PCDHGA7: variants seen among roughly 807,000 people sequenced by gnomAD.
PCDHGA7 encodes protocadherin gamma-A7.
In PCDHGA7, 44 loss-of-function variants were observed where a neutral mutation model predicts 58.3. The observed-to-expected ratio is 0.75, with a 90% CI of 0.59 to 0.97. PCDHGA7 has a LOEUF of 0.97. PCDHGA7 is among the 50% of genes least tolerant of loss of function. The probability of loss-of-function intolerance (pLI) is 0.00; values close to 1 mark genes in which losing one functional copy is unlikely to be tolerated. For synonymous variants in PCDHGA7, 516 were observed against 504.2 expected (o/e 1.02, Z -0.31); for missense variants, 1,266 against 1,188.7 (o/e 1.06, Z -0.96).
intron 1 of PCDHGA7, chr5:141,471,252 T>A (rs1003162914): frequency 6.6e-6 from 1 of 151,872 alleles, no homozygotes; most frequent in Admixed American, 6.6e-5. Flanking sequence ...GGTTTCACCA[T>A]GTTGGCAAGG....
chr5:141,404,739 G>A, intron 1 of PCDHGA7: 1 of 1,614,092 alleles, frequency 6.2e-7, no homozygotes, highest in Non-Finnish European at 8.5e-7. Flanking sequence ...GCAGTGGACA[G>A]AGACTCAGGC....
intron 1 of PCDHGA7, among the ~76,000 whole-genome samples, chr5:141,474,120 T>C (rs2099343213): frequency 6.6e-6 from 1 of 151,910 alleles, no homozygotes; most frequent in Non-Finnish European, 1.5e-5. Flanking sequence ...ACAACGAAAA[T>C]CTCAGAAAAC....
chr5:141,392,659 A>G, intron 1 of PCDHGA7: 1 of 788,300 alleles, frequency 1.3e-6, no homozygotes, highest in Non-Finnish European at 1.9e-6. Context: ...CGCAGATGCC[A>G]CAAACTAACT....
chr5:141,490,561 A>G lies in PCDHGA7; in HGVS notation c.2425-4246A>G. On this transcript the variant is annotated intron_variant, in intron 1 of 3. Coordinates refer to ENST00000518325, the MANE Select transcript of PCDHGA7 (RefSeq NM_018920.4). This position sits in a 1 kb window ranked among gnomAD's most constrained non-coding sequence, Gnocchi z 5.4. Reference sequence around the variant, plus strand: ...TTCCCTACACAAACATCTCACCATCAGGCTCAACATTTCAGATGTCAATGA... The same window carrying G: ...TTCCCTACACAAACATCTCACCATCGGGCTCAACATTTCAGATGTCAATGA... 6.2e-7 allele frequency: 1 copy of G among 1,614,090 alleles called. No individual in the cohort carries two copies. The highest frequency in any genetic ancestry group is 8.5e-7 in the Non-Finnish European group (1 of 1,180,004).
rs762910422 is a variant in PCDHGA7, at chr5:141,485,747, C to T, written c.2425-9060C>T. ...GAAGCGCAGCGACGGCAGCCTGGTCCCAGAGCTGCTCCTGGAGAAGCCTTT... is the reference window on the plus strand; with the variant it reads ...GAAGCGCAGCGACGGCAGCCTGGTCTCAGAGCTGCTCCTGGAGAAGCCTTT... On this transcript the variant is annotated intron_variant, in intron 1 of 3. Coordinates refer to ENST00000518325, the MANE Select transcript of PCDHGA7 (RefSeq NM_018920.4). This position sits in a 1 kb window ranked among gnomAD's most constrained non-coding sequence, Gnocchi z 5.7. 1 of 1,614,162 alleles carries T rather than the reference C, an allele frequency of 6.2e-7. No individual in the cohort carries two copies.
intron 1 of PCDHGA7, chr5:141,427,469 C>A: frequency 2.0e-6 from 1 of 510,092 alleles, no homozygotes; most frequent in Non-Finnish European, 3.8e-6. Flanking sequence ...TCGAATCTTC[C>A]GCCAATAATG....
intron 1 of PCDHGA7, chr5:141,410,146 C>T (rs2095361527): frequency 2.5e-6 from 4 of 1,612,390 alleles, no homozygotes; most frequent in Non-Finnish European, 2.5e-6. Context: ...CTGTGCGTGA[C>T]GGTGGACAGC....
intron 1 of PCDHGA7, chr5:141,399,764 T>C: frequency 6.2e-7 from 1 of 1,613,252 alleles, no homozygotes; most frequent in Non-Finnish European, 8.5e-7. Flanking sequence ...AGCCTGCGCG[T>C]GTTGGTGGGC....
At chr5:141,474,159 G>A (rs2154571930) in intron 1 of PCDHGA7, among the ~76,000 whole-genome samples, 1 of 152,226 alleles carries the variant, frequency 6.6e-6, no homozygotes, top group South Asian at 2.1e-4. Context: ...GAAAATGACA[G>A]GCCTTATTAT....
intron 1 of PCDHGA7, chr5:141,394,949 G>A (rs761514870): frequency 1.9e-6 from 3 of 1,613,906 alleles, no homozygotes; most frequent in Non-Finnish European, 1.7e-6. Flanking sequence ...CTGTGCTTCT[G>A]GGGCTCAGGC....
intron 2 of PCDHGA7, among the ~76,000 whole-genome samples, chr5:141,500,008 C>T (rs1027220192): frequency 6.6e-6 from 1 of 151,770 alleles, no homozygotes; most frequent in African/African-American, 2.4e-5. Flanking sequence ...TTCATAAGGT[C>T]CACATTTTAT....
chr5:141,500,187 TATTTA>T (rs1467273493), intron 2 of PCDHGA7, among the ~76,000 whole-genome samples: 2 of 110,668 alleles, frequency 1.8e-5, no homozygotes, highest in Non-Finnish European at 3.6e-5. Flanking sequence ...TTTTTATTTT[TATTTA>T]TTTATTTATT....
intron 1 of PCDHGA7, among the ~76,000 whole-genome samples, chr5:141,465,159 A>C (rs1333891587): frequency 6.6e-6 from 1 of 151,952 alleles, no homozygotes; most frequent in East Asian, 1.9e-4. Flanking sequence ...AGGGACTCTA[A>C]ATGTTTATGA....
Position 141,383,347 on chromosome 5 carries a change from G to A in PCDHGA7, c.448G>A (p.Val150Ile). The change falls in exon 1 of 4, where the codon GTT becomes ATT. Residue 150 changes from valine to isoleucine, a missense_variant. By Grantham distance (29) the Val-to-Ile change is conservative. Transcript: ENST00000518325. ...AATAATGGAGAATACAGCTCCTGGG[G>A]TTCGGTTTCCGTTAAGCGAGGCTGG... is the stretch of plus-strand genomic sequence containing the variant. ...VKIMENTAPG[V>I]RFPLSEAGDP... 6.2e-7 allele frequency: 1 copy of A among 1,614,012 alleles called. No individual in the cohort carries two copies. Among genetic ancestry groups the A allele is most frequent in the Non-Finnish European group, 8.5e-7 (1 of 1,179,900 alleles).
At chr5:141,406,940 A>C (rs2094868445) in intron 1 of PCDHGA7, among the ~76,000 whole-genome samples, 1 of 152,212 alleles carries the variant, frequency 6.6e-6, no homozygotes, top group African/African-American at 2.4e-5. Context: ...ATTTAATGTT[A>C]TTTTAAACAT....
intron 1 of PCDHGA7, among the ~76,000 whole-genome samples, chr5:141,494,496 T>A (rs147870810): frequency 2.9e-3 from 442 of 152,264 alleles, no homozygotes; most frequent in Non-Finnish European, 4.9e-3. Flanking sequence ...ATGCCTTCAG[T>A]CCTTGAATTT....
intron 1 of PCDHGA7, chr5:141,403,041 A>T: frequency 6.2e-7 from 1 of 1,614,084 alleles, no homozygotes; most frequent in Non-Finnish European, 8.5e-7. Flanking sequence ...AGGGCCAGTC[A>T]GATTCGCTAC....
intron 1 of PCDHGA7, chr5:141,394,192 A>G: frequency 1.9e-6 from 3 of 1,613,840 alleles, no homozygotes; most frequent in East Asian, 2.2e-5. Flanking sequence ...TACTCAGCGT[A>G]TATCCTAGAG....
rs368850413 is a variant in PCDHGA7, at chr5:141,400,711, C to T, written c.2424+15388C>T. 8.7e-6 allele frequency: 6 copies of T among 691,160 alleles called. No individual in the cohort carries two copies. The African/African-American group carries it at 9.0e-5, about 10-fold the overall frequency. The allele number at this position is 691,160 out of a possible 1,614,324, so 42.8% of individuals were successfully genotyped here. On this transcript the variant is annotated intron_variant, in intron 1 of 3. Coordinates refer to ENST00000518325, the MANE Select transcript of PCDHGA7 (RefSeq NM_018920.4). Reference sequence around the variant, plus strand: ...TTTTATGTCGCATAAAAGAAGTAGCCTTATAGATTTACAAAGTAGTGAGAG... The same window carrying T: ...TTTTATGTCGCATAAAAGAAGTAGCTTTATAGATTTACAAAGTAGTGAGAG...
Sources: gnomAD v4.1 joint callset for allele counts (sites outside exome capture counted in the v4.1 genomes callset) on GRCh38, gnomAD v4.1.1 for gene constraint, Gnocchi (gnomAD v3.1) non-coding constraint, MANE v1.5 for transcripts, NCBI Gene and HGNC (gene_info 2026-07-23, HGNC 2026-07-21) for gene names.